The following CTNNA2 variants were observed in gnomAD, a reference collection of about 807,000 sequenced individuals.
CTNNA2 encodes the protein catenin alpha 2.
A neutral mutation model predicts 101.0 loss-of-function variants in CTNNA2; 42 were observed. The ratio of observed to expected loss-of-function variants is 0.42; its 90% CI spans 0.32 to 0.54. The LOEUF (loss-of-function observed/expected upper bound fraction) is 0.54, where lower values mean the gene tolerates loss of function less well. CTNNA2 is among the 20% of genes least tolerant of loss of function. CTNNA2 has a pLI of 0.14. For synonymous variants in CTNNA2, 450 were observed against 456.4 expected (o/e 0.99, Z 0.18); for missense variants, 871 against 1,223.1 (o/e 0.71, Z 4.29).
chr2:80,209,563 G>T (rs575136754), intron 7 of CTNNA2, among the ~76,000 whole-genome samples: 26 of 151,846 alleles, frequency 1.7e-4, no homozygotes, highest in Non-Finnish European at 3.5e-4. Context: ...ATTCTCTTAT[G>T]AACATTTTTG....
chr2:79,738,758 G>A (rs956451382), intron 2 of CTNNA2, among the ~76,000 whole-genome samples: 2 of 152,192 alleles, frequency 1.3e-5, no homozygotes, highest in Non-Finnish European at 2.9e-5. Context: ...GCTACAGGAG[G>A]TGAGAGGATT....
chr2:79,431,613 T>A (rs1241015498), intron 4 of CTNNA2, among the ~76,000 whole-genome samples: 1 of 152,038 alleles, frequency 6.6e-6, no homozygotes, highest in Admixed American at 6.6e-5. Context: ...AAAAATATAA[T>A]CCTCCTGCAA....
chr2:79,519,655 A>T (rs1020339427), intron 1 of CTNNA2, among the ~76,000 whole-genome samples: 1 of 152,166 alleles, frequency 6.6e-6, no homozygotes, highest in Non-Finnish European at 1.5e-5. Context: ...CTTTTGAAAC[A>T]TAAACTTCTG....
At chr2:79,800,128 T>C (rs969941591) in intron 3 of CTNNA2, among the ~76,000 whole-genome samples, 1 of 152,204 alleles carries the variant, frequency 6.6e-6, no homozygotes, top group Non-Finnish European at 1.5e-5. Context: ...TCAAATAAAA[T>C]ACAAGAGAAC....
chr2:79,621,811 A>G (rs1370396047), intron 1 of CTNNA2, among the ~76,000 whole-genome samples: 1 of 152,164 alleles, frequency 6.6e-6, no homozygotes, highest in African/African-American at 2.4e-5. Context: ...AACCATGTGG[A>G]CAGTTTATGT....
At chr2:79,631,296 T>A (rs1428550523) in intron 1 of CTNNA2, among the ~76,000 whole-genome samples, 1 of 152,180 alleles carries the variant, frequency 6.6e-6, no homozygotes, top group African/African-American at 2.4e-5. Flanking sequence ...CTGCCAGAGA[T>A]TTGCTCTGTA....
chr2:80,489,034 G>A (rs1037256815), intron 9 of CTNNA2, among the ~76,000 whole-genome samples: 3 of 152,192 alleles, frequency 2.0e-5, no homozygotes, highest in African/African-American at 7.2e-5. Flanking sequence ...ATAAGGTTTG[G>A]AGTCCTGGAC....
chr2:79,813,796 A>G (rs988302634), intron 3 of CTNNA2, among the ~76,000 whole-genome samples: 1 of 152,194 alleles, frequency 6.6e-6, no homozygotes, highest in Non-Finnish European at 1.5e-5. Context: ...AAAAATGTCT[A>G]CATTAGTTTC....
At chr2:79,691,447 A>C (rs1011652050) in intron 2 of CTNNA2, among the ~76,000 whole-genome samples, 3 of 151,956 alleles carry the variant, frequency 2.0e-5, no homozygotes, top group African/African-American at 7.2e-5. Context: ...AACAATAGTG[A>C]CTCAAAGAGG....
intron 18 of CTNNA2, among the ~76,000 whole-genome samples, chr2:80,633,784 CAT>C (rs1346942717): frequency 3.9e-5 from 6 of 152,178 alleles, no homozygotes; most frequent in African/African-American, 1.4e-4. Flanking sequence ...ACCTAGCAAA[CAT>C]AATTCTGTGC....
chr2:80,529,583 G>C (rs1472775470), intron 9 of CTNNA2, among the ~76,000 whole-genome samples: 1 of 151,926 alleles, frequency 6.6e-6, no homozygotes, highest in Admixed American at 6.6e-5. Context: ...AAATATTATT[G>C]GTGTTCACAC....
At chr2:79,352,003 G>T (rs1319441133) in intron 3 of CTNNA2, among the ~76,000 whole-genome samples, 3 of 152,152 alleles carry the variant, frequency 2.0e-5, no homozygotes, top group African/African-American at 4.8e-5. Context: ...CTCCAAAATT[G>T]CTTCCCACAG....
chr2:80,531,294 G>C (rs536694202), intron 9 of CTNNA2, among the ~76,000 whole-genome samples: 1 of 152,186 alleles, frequency 6.6e-6, no homozygotes, highest in Non-Finnish European at 1.5e-5. Context: ...TTACCAAGGG[G>C]CCAATGAGGA....
Position 79,999,243 on chromosome 2 carries a change from GCAGCCCTAA to G in CTNNA2, c.1056+89447_1056+89455del, listed in dbSNP as rs777787689. ...TATTTCTTCTCCATACCATCCTGGTGCAGCCCTAAGGTGTCTTTACCATTGTCCTGCTGC... is the reference window on the plus strand; with the variant it reads ...TATTTCTTCTCCATACCATCCTGGTGGGTGTCTTTACCATTGTCCTGCTGC... On this transcript the variant is annotated intron_variant, in intron 7 of 18. Transcript: ENST00000402739. Among the ~76,000 whole-genome samples the G allele has an allele frequency of 4.8e-3, 728 of 152,266 alleles. 5 individuals carry two copies. The highest frequency in any genetic ancestry group is 6.1e-3 in the Non-Finnish European group (418 of 68,032).
At chr2:79,664,977 C>G (rs1048958512) in intron 2 of CTNNA2, among the ~76,000 whole-genome samples, 1 of 152,146 alleles carries the variant, frequency 6.6e-6, no homozygotes. Context: ...TCCCAAAGTG[C>G]TAGGATTACA....
At chr2:79,580,527 G>A (rs1676087258) in intron 1 of CTNNA2, among the ~76,000 whole-genome samples, 1 of 152,180 alleles carries the variant, frequency 6.6e-6, no homozygotes, top group African/African-American at 2.4e-5. Context: ...GGTAACTTTA[G>A]CCTGGTAAGA....
At chr2:79,919,933 C>A (rs868852681) in intron 7 of CTNNA2, among the ~76,000 whole-genome samples, 1 of 152,154 alleles carries the variant, frequency 6.6e-6, no homozygotes, top group Non-Finnish European at 1.5e-5. Flanking sequence ...ACACCAAGTA[C>A]TTTACAGTTA....
chr2:80,386,964 A>C (rs1205348255), intron 7 of CTNNA2, among the ~76,000 whole-genome samples: 2 of 152,132 alleles, frequency 1.3e-5, no homozygotes, highest in Non-Finnish European at 2.9e-5. Context: ...CTTCCATGAG[A>C]GACCCCCCAG....
At chr2:79,942,866 G>C (rs558658289) in intron 7 of CTNNA2, among the ~76,000 whole-genome samples, 12 of 152,264 alleles carry the variant, frequency 7.9e-5, no homozygotes, top group Admixed American at 7.2e-4. Flanking sequence ...TGGTCCACTT[G>C]ACACATTGAC....
Sources: gnomAD v4.1 joint callset for allele counts (sites outside exome capture counted in the v4.1 genomes callset) on GRCh38, gnomAD v4.1.1 for gene constraint, MANE v1.5 for transcripts, NCBI Gene and HGNC (gene_info 2026-07-23, HGNC 2026-07-21) for gene names.